The following COL16A1 variants were observed in gnomAD, a reference collection of about 807,000 sequenced individuals.
COL16A1 encodes the protein collagen alpha-1(XVI) chain.
Under a neutral mutation model 266.3 loss-of-function variants are expected in COL16A1, and 189 were observed. The observed-to-expected ratio is 0.71, with a 90% confidence interval of 0.63 to 0.80. The LOEUF (loss-of-function observed/expected upper bound fraction) is 0.80. COL16A1 is among the 30% of genes least tolerant of loss of function. The pLI, the probability that COL16A1 is intolerant of heterozygous loss-of-function variation, is 0.00. For missense variants in COL16A1, 1,928 were observed against 2,122.4 expected, an observed-to-expected ratio of 0.91 and a Z score of 1.80; for synonymous variants, 740 against 782.3, an observed-to-expected ratio of 0.95 and a Z score of 0.90.
At chr1:31,701,556 G>A (rs1406022922) in intron 2 of COL16A1, 3 of 985,384 alleles carry the variant, frequency 3.0e-6, no homozygotes, top group Non-Finnish European at 3.6e-6. Context: ...CTGGCTTTGG[G>A]CCCTGGAAAG....
rs369966239 is a variant in COL16A1, at chr1:31,669,185, G to A, written c.3196-330C>T. On this transcript the variant is annotated intron_variant, in intron 49 of 70. Coordinates refer to ENST00000373672, the MANE Select transcript of COL16A1 (RefSeq NM_001856.4). ...TGCCCTGCCATGGTAACTGACTGGC[G>A]TACACCTTTAGGAAGGTGATGGATC... is the stretch of plus-strand genomic sequence containing the variant. Among the ~76,000 whole-genome samples the A allele has an allele frequency of 2.1e-4, 32 of 152,116 alleles. 1 individual carries two copies. Among genetic ancestry groups the A allele is most frequent in the Admixed American group, 1.6e-3 (25 of 15,282 alleles).
At position 31,662,587 on chromosome 1, in the gene COL16A1, C is replaced by A; in HGVS notation, c.3627G>T (p.Gln1209His). The A allele has an allele frequency of 6.4e-7, 1 of 1,566,154 alleles. No homozygotes were observed. Residue 1209 changes from glutamine to histidine, a missense_variant and splice_region_variant, in exon 57 of 71, where the codon CAG becomes CAT. By Grantham distance (24) the Gln-to-His change is conservative. Coordinates refer to ENST00000373672, the MANE Select transcript of COL16A1 (RefSeq NM_001856.4). ...SPGPPGPPGI[Q>H]GPAGLDGLDG... is the part of the protein sequence containing the mutation. ...CCACGCTGAAAGGGCACACACTCACCTGAATCCCAGGAGGTCCCGGTGGCC... is the reference window on the plus strand; with the variant it reads ...CCACGCTGAAAGGGCACACACTCACATGAATCCCAGGAGGTCCCGGTGGCC...
chr1:31,668,666 CG>C lies in COL16A1; in HGVS notation c.3249+135del. The C allele has an allele frequency of 2.1e-6, 2 of 966,318 alleles. No homozygotes were observed. The highest frequency in any genetic ancestry group is 3.2e-6 in the Non-Finnish European group (2 of 615,556). 59.9% of individuals were successfully genotyped at this position (966,318 alleles called of 1,614,324 possible). Reference sequence around the variant, plus strand: ...TGGAAACCTCACACTGAGGGAATCCCGGCAGAAGGGCAGAGAGTCTCAAGGA... The same window carrying C: ...TGGAAACCTCACACTGAGGGAATCCCGCAGAAGGGCAGAGAGTCTCAAGGA... On this transcript the variant is annotated intron_variant, in intron 50 of 70. Transcript: ENST00000373672. This position sits in a 1 kb window ranked among gnomAD's most constrained non-coding sequence, Gnocchi z 5.8.
Position 31,664,416 on chromosome 1 carries a change from A to T in COL16A1, c.3555+756T>A, listed in dbSNP as rs1641953832. ...TGCTCTCAGGGGAAAGAGGCTCTCC[A>T]CAAGGCTCAGGGGAAAGAGGCTCCC... On this transcript the variant is annotated intron_variant, in intron 56 of 70. Coordinates refer to ENST00000373672, the MANE Select transcript of COL16A1 (RefSeq NM_001856.4). The surrounding 1 kb of genome is among the most constrained non-coding windows in gnomAD (Gnocchi z 5.5). Among the ~76,000 whole-genome samples, 1 of 152,016 alleles carries T rather than the reference A, an allele frequency of 6.6e-6. No individual in the cohort carries two copies. The highest frequency in any genetic ancestry group is 6.5e-5 in the Admixed American group (1 of 15,272).
chr1:31,652,882 A>C lies in COL16A1; in HGVS notation c.4613-29T>G. The C allele has an allele frequency of 6.8e-7, 1 of 1,460,980 alleles. No homozygotes were observed. The highest frequency in any genetic ancestry group is 9.0e-7 in the Non-Finnish European group (1 of 1,105,686). The allele number at this position is 1,460,980 out of a possible 1,614,324, so 90.5% of individuals were successfully genotyped here. On this transcript the variant is annotated intron_variant, in intron 70 of 70. Coordinates refer to ENST00000373672, the MANE Select transcript of COL16A1 (RefSeq NM_001856.4). The surrounding 1 kb of genome is among the most constrained non-coding windows in gnomAD (Gnocchi z 4.8). ...GGGAGGGAAGGGCCACAGAGGGAAA[A>C]TCAGAAGACCCAGATCATAAGGGAA... is the stretch of plus-strand genomic sequence containing the variant.
chr1:31,695,177 T>C lies in COL16A1; in HGVS notation c.981+9A>G. 6.2e-7 allele frequency: 1 copy of C among 1,613,734 alleles called. No individual in the cohort carries two copies. The highest frequency in any genetic ancestry group is 1.1e-5 in the South Asian group (1 of 90,988). On this transcript the variant is annotated intron_variant, in intron 11 of 70. Coordinates refer to ENST00000373672, the MANE Select transcript of COL16A1 (RefSeq NM_001856.4). Reference sequence around the variant, plus strand: ...CCCGCTCCACCCTGCACACCCTCCATTCACTCACATTGCTGTCCCGGGCAC... The same window carrying C: ...CCCGCTCCACCCTGCACACCCTCCACTCACTCACATTGCTGTCCCGGGCAC...
In COL16A1 at chr1:31,655,474, C is replaced by G. The variant is rs773050682; in HGVS notation, c.4130G>C (p.Gly1377Ala). 6.2e-7 allele frequency: 1 copy of G among 1,613,968 alleles called. No homozygotes were observed. The highest frequency in any genetic ancestry group is 8.5e-7 in the Non-Finnish European group (1 of 1,179,996). ...KGDPGAAGQK[G>A]QAGEKGRAGM... ...GGCTCTCCCCTTCTCTCCTGCCTGGCCCTTCTGTCCTGCAGCTCCTGGATC... is the reference window on the plus strand; with the variant it reads ...GGCTCTCCCCTTCTCTCCTGCCTGGGCCTTCTGTCCTGCAGCTCCTGGATC... The change falls in exon 67 of 71, where the codon GGC becomes GCC. Residue 1377 changes from glycine (G) to alanine (A), a missense_variant. By Grantham distance (60) the Gly-to-Ala change is moderately conservative (BLOSUM62 0). This residue lies in a region of COL16A1 where 376 missense variants were observed against 485.2 expected (regional missense o/e 0.77). Transcript: ENST00000373672.
intron 11 of COL16A1, 84 bp from the exon 12 acceptor site, chr1:31,694,254 G>T (rs372126025): frequency 1.7e-6 from 2 of 1,175,484 alleles, no homozygotes; most frequent in African/African-American, 1.5e-5. Flanking sequence ...TTTAGACAGG[G>T]TCACACAGCA....
At chr1:31,665,007 G>A (rs1642005449) in intron 56 of COL16A1, among the ~76,000 whole-genome samples, 165 bp downstream of exon 56, 1 of 152,162 alleles carries the variant, frequency 6.6e-6, no homozygotes, top group Non-Finnish European at 1.5e-5. Context: ...AAGCCCTGTC[G>A]GCCTCCAGTA....
At chr1:31,684,261 C>A in intron 31 of COL16A1, 30 bp from the exon 32 acceptor site, 1 of 1,457,252 alleles carries the variant, frequency 6.9e-7, no homozygotes, top group South Asian at 1.5e-5. Flanking sequence ...GCCAGGAGCC[C>A]ATGAGCCGGG....
At chr1:31,699,963 T>G in intron 3 of COL16A1, 33 bp from the exon 4 acceptor site, 1 of 1,604,200 alleles carries the variant, frequency 6.2e-7, no homozygotes. Flanking sequence ...AGAGCTCAGC[T>G]GAGCAGGTGG....
rs764422835 is a variant in COL16A1 at position 31,652,644 on chromosome 1, G to A, written c.*7C>T. 5.7e-6 allele frequency: 9 copies of A among 1,565,818 alleles called. No homozygotes were observed. The highest frequency in any genetic ancestry group is 7.8e-6 in the Non-Finnish European group (9 of 1,160,874). On this transcript the variant is annotated 3_prime_UTR_variant, in exon 71 of 71. Transcript: ENST00000373672. This position sits in a 1 kb window ranked among gnomAD's most constrained non-coding sequence, Gnocchi z 4.8. Reference sequence around the variant, plus strand: ...GGAGTCTTTCATCCAAAGGCAGGTGGGGAATTTCAGCCAAAAGGCCCCTTC... The same window carrying A: ...GGAGTCTTTCATCCAAAGGCAGGTGAGGAATTTCAGCCAAAAGGCCCCTTC...
rs1557625446 is a variant in COL16A1, at chr1:31,666,023, C to T, written c.3402+14G>A. 2 of 1,612,910 alleles carry T rather than the reference C, an allele frequency of 1.2e-6. No homozygotes were observed. Among genetic ancestry groups the T allele is most frequent in the Non-Finnish European group, 1.7e-6 (2 of 1,179,604 alleles). On this transcript the variant is annotated intron_variant, in intron 53 of 70. Coordinates refer to ENST00000373672, the MANE Select transcript of COL16A1 (RefSeq NM_001856.4). Reference sequence around the variant, plus strand: ...AGACCAGGACCACATCTCCCCATGCCCTCCTTCACTCACCGCTGGGCCTGG... The same window carrying T: ...AGACCAGGACCACATCTCCCCATGCTCTCCTTCACTCACCGCTGGGCCTGG...
rs531096965 is a variant in COL16A1 at position 31,663,741 on chromosome 1, A to G, written c.3556-1083T>C. Reference sequence around the variant, plus strand: ...GTGATAAAAAGACTCTGGGACTACAAAATAAAGTCTGAAAACCCCTGCTAC... The same window carrying G: ...GTGATAAAAAGACTCTGGGACTACAGAATAAAGTCTGAAAACCCCTGCTAC... On this transcript the variant is annotated intron_variant, in intron 56 of 70. Transcript: ENST00000373672. This position sits in a 1 kb window ranked among gnomAD's most constrained non-coding sequence, Gnocchi z 4.9. Among the ~76,000 whole-genome samples, 1 of 152,338 alleles carries G rather than the reference A, an allele frequency of 6.6e-6. No individual in the cohort carries two copies. The highest frequency in any genetic ancestry group is 2.1e-4 in the South Asian group (1 of 4,828).
Position 31,670,698 on chromosome 1 carries a change from C to G in COL16A1, c.3151-52G>C, listed in dbSNP as rs552152649. The G allele has an allele frequency of 1.4e-6, 2 of 1,393,232 alleles. No homozygotes were observed. The highest frequency in any genetic ancestry group is 1.5e-5 in the African/African-American group (1 of 64,574). The allele number at this position is 1,393,232 out of a possible 1,614,324, so 86.3% of individuals were successfully genotyped here. ...TCTCACAGGCACAGTAACCCTGGGA[C>G]AGCCTGGAGGGCACAGTCTGGGGCT... is the stretch of plus-strand genomic sequence containing the variant. On this transcript the variant is annotated intron_variant, in intron 48 of 70. Coordinates refer to ENST00000373672, the MANE Select transcript of COL16A1 (RefSeq NM_001856.4). The surrounding 1 kb of genome is among the most constrained non-coding windows in gnomAD (Gnocchi z 4.5).
At chr1:31,699,134 C>CA (rs779211354) in intron 4 of COL16A1, among the ~76,000 whole-genome samples, 1 of 140,426 alleles carries the variant, frequency 7.1e-6, no homozygotes, top group Non-Finnish European at 1.5e-5. Context: ...AACAAACAAA[C>CA]AAAAAACCCA....
chr1:31,679,947 C>G (rs562395074), intron 40 of COL16A1, 95 bp downstream of exon 40: 1 of 1,565,554 alleles, frequency 6.4e-7, no homozygotes, highest in Non-Finnish European at 8.6e-7. Flanking sequence ...GGCTGGGGTG[C>G]GTGGCCCTGC....
At chr1:31,665,555 G>C (rs1160207627) in intron 55 of COL16A1, 28 bp downstream of exon 55, 2 of 1,614,006 alleles carry the variant, frequency 1.2e-6, no homozygotes, top group African/African-American at 2.7e-5. Context: ...ACATCAGACA[G>C]AGCTGGCTTT....
chr1:31,661,352 C>T, intron 60 of COL16A1, 62 bp downstream of exon 60: 1 of 1,612,328 alleles, frequency 6.2e-7, no homozygotes, highest in Non-Finnish European at 8.5e-7. Context: ...GCCATGTATG[C>T]CTGGGGGCAA....
Sources: gnomAD v4.1 joint callset for allele counts (sites outside exome capture counted in the v4.1 genomes callset) on GRCh38, gnomAD v4.1.1 for gene constraint, gnomAD v4.1.1 regional missense constraint, Gnocchi (gnomAD v3.1) non-coding constraint, MANE v1.5 for transcripts, NCBI Gene and HGNC (gene_info 2026-07-23, HGNC 2026-07-21) for gene names.